Variants in LBP observed in about 807,000 individuals in gnomAD.
LBP encodes lipopolysaccharide-binding protein.
Under a neutral mutation model 56.6 loss-of-function variants are expected in LBP, and 53 were observed. The ratio of observed to expected loss-of-function variants is 0.94; its 90% CI spans 0.75 to 1.18. LBP has a LOEUF of 1.18. LBP is among the 50% of genes most tolerant of loss of function. The pLI is 0.00. For synonymous variants in LBP, 227 were observed against 247.5 expected (o/e 0.92, Z 0.78); for missense variants, 601 against 598.3 (o/e 1.00, Z -0.05).
intron 12 of LBP, among the ~76,000 whole-genome samples, chr20:38,371,695 A>C (rs1476426256): frequency 1.3e-5 from 2 of 152,232 alleles, no homozygotes; most frequent in East Asian, 3.8e-4. Flanking sequence ...TAATTAGTGC[A>C]TCAAGAATCT....
At chr20:38,372,599 C>T (rs2076904345) in intron 12 of LBP, among the ~76,000 whole-genome samples, 1 of 151,996 alleles carries the variant, frequency 6.6e-6, no homozygotes, top group African/African-American at 2.4e-5. Context: ...CTCAGTTTCC[C>T]GATATATGGA....
At chr20:38,349,756 C>A in intron 2 of LBP, 94 bp downstream of exon 2, 1 of 907,474 alleles carries the variant, frequency 1.1e-6, no homozygotes, top group Non-Finnish European at 1.7e-6. Context: ...CAGGATTGGG[C>A]TGTGGGGGGA....
chr20:38,370,918 C>A, intron 11 of LBP, 113 bp downstream of exon 11: 1 of 874,434 alleles, frequency 1.1e-6, no homozygotes, highest in South Asian at 1.4e-5. Flanking sequence ...AGGACACTTA[C>A]ATTTCACCCC....
chr20:38,365,696 CAAAAAAAAAAA>C (rs1170058556), intron 8 of LBP, among the ~76,000 whole-genome samples: 108 of 103,786 alleles, frequency 1.0e-3, no homozygotes, highest in Non-Finnish European at 1.3e-3. Context: ...GACTGCATCT[CAAAAAAAAAAA>C]AAAAAAAAAA....
Position 38,349,623 on chromosome 20 carries a change from G to T in LBP, c.200G>T (p.Arg67Met). The T allele has an allele frequency of 6.2e-7, 1 of 1,611,504 alleles. No homozygotes were observed. The change falls in exon 2 of 15, where the codon AGG becomes ATG. Residue 67 changes from arginine to methionine, a missense_variant. Coordinates refer to ENST00000217407, the MANE Select transcript of LBP (RefSeq NM_004139.5). Reference sequence around the variant, plus strand: ...CTGCCTGACTTCACCGGGGACTTGAGGATCCCCCACGTCGGCCGTGGGCGC... The same window carrying T: ...CTGCCTGACTTCACCGGGGACTTGATGATCCCCCACGTCGGCCGTGGGCGC... ...ITLPDFTGDLRIPHVGRGRYE... is the reference protein window; with the variant it reads ...ITLPDFTGDLMIPHVGRGRYE...
At chr20:38,363,930 G>A (rs1194978713) in intron 6 of LBP, 45 bp from the exon 7 acceptor site, 1 of 1,403,266 alleles carries the variant, frequency 7.1e-7, no homozygotes, top group African/African-American at 1.4e-5. Context: ...TCCAGCAGCT[G>A]AAAGTGTCAT....
intron 5 of LBP, among the ~76,000 whole-genome samples, chr20:38,355,682 T>C (rs1393073161): frequency 6.6e-6 from 1 of 152,122 alleles, no homozygotes; most frequent in Non-Finnish European, 1.5e-5. Flanking sequence ...AGCCCCTCCC[T>C]CTGCTCCACC....
At chr20:38,360,487 G>A (rs1296212111) in intron 5 of LBP, among the ~76,000 whole-genome samples, 1 of 152,130 alleles carries the variant, frequency 6.6e-6, no homozygotes, top group African/African-American at 2.4e-5. Flanking sequence ...GGGACAGACT[G>A]AAAAGTCCAA....
In LBP at chr20:38,362,506, G is replaced by A. The variant is rs911163184; in HGVS notation, c.653-1469G>A. On this transcript the variant is annotated intron_variant, in intron 6 of 14. Transcript: ENST00000217407. ...TGGATGCCTGTAATCCCAGCTACTC[G>A]GGAGGCTGAGGCAGGAGAATCACTT... 6.6e-5 allele frequency among the ~76,000 whole-genome samples: 10 copies of A among 151,484 alleles called. No homozygotes were observed. The East Asian group carries it at 1.2e-3, about 18-fold the overall frequency.
In LBP at chr20:38,372,982, C is replaced by A. The variant is rs919189671; in HGVS notation, c.1261-90C>A. ...AGTAGCATGATGTAATACTAGTTTGCTTTTCCCAAGCGTTTTGCTATGTTG... is the reference window on the plus strand; with the variant it reads ...AGTAGCATGATGTAATACTAGTTTGATTTTCCCAAGCGTTTTGCTATGTTG... On this transcript the variant is annotated intron_variant, in intron 12 of 14. Coordinates refer to ENST00000217407, the MANE Select transcript of LBP (RefSeq NM_004139.5). The A allele has an allele frequency of 8.1e-5, 90 of 1,111,906 alleles. No individual in the cohort carries two copies. In the African/African-American group the frequency reaches 1.1e-3, roughly 14 times the overall value. 68.9% of individuals were successfully genotyped at this position (1,111,906 alleles called of 1,614,324 possible). A position where few individuals can be genotyped will look rare whatever the true frequency, so the allele number is the denominator to read the frequency against.
At chr20:38,357,795 A>G (rs981271978) in intron 5 of LBP, among the ~76,000 whole-genome samples, 30 of 152,194 alleles carry the variant, frequency 2.0e-4, no homozygotes, top group African/African-American at 7.2e-4. Flanking sequence ...AGGGGCGAGG[A>G]CTTCCCAGAA....
intron 2 of LBP, among the ~76,000 whole-genome samples, chr20:38,350,360 TG>T (rs985279632): frequency 1.2e-4 from 18 of 152,294 alleles, no homozygotes; most frequent in African/African-American, 3.4e-4. Context: ...CTGACTTTTT[TG>T]GGGTCTTATC....
At chr20:38,368,809 G>T (rs1431697360) in intron 9 of LBP, among the ~76,000 whole-genome samples, 186 bp from the exon 10 acceptor site, 1 of 152,174 alleles carries the variant, frequency 6.6e-6, no homozygotes, top group Non-Finnish European at 1.5e-5. Context: ...GAAATAGATG[G>T]TGCAGACTCT....
intron 14 of LBP, 141 bp from the exon 15 acceptor site, chr20:38,376,484 G>A: frequency 1.3e-6 from 1 of 752,108 alleles, no homozygotes; most frequent in Admixed American, 1.9e-5. Context: ...TGGGGACTGA[G>A]GCACACTCGC....
Position 38,366,673 on chromosome 20 carries a change from C to T in LBP, c.922-96C>T, listed in dbSNP as rs1224082838. On this transcript the variant is annotated intron_variant, in intron 8 of 14. Coordinates refer to ENST00000217407, the MANE Select transcript of LBP (RefSeq NM_004139.5). ...CAGGGTAACCCAGGCTGTGGAGAAG[C>T]GACAGTCTTGCACATCCCCCTGTCT... The T allele has an allele frequency of 2.1e-5, 24 of 1,147,830 alleles. No individual in the cohort carries two copies. The Admixed American group carries it at 3.2e-4, about 15-fold the overall frequency. 71.1% of individuals were successfully genotyped at this position (1,147,830 alleles called of 1,614,324 possible). A position where few individuals can be genotyped will look rare whatever the true frequency, so the allele number is the denominator to read the frequency against.
Position 38,360,902 on chromosome 20 carries a change from C to T in LBP, c.652+135C>T, listed in dbSNP as rs1040618895. The T allele has an allele frequency of 1.0e-5, 6 of 590,470 alleles. No homozygotes were observed. In the African/African-American group the frequency reaches 1.1e-4, roughly 11 times the overall value. The allele number at this position is 590,470 out of a possible 1,614,324, so 36.6% of individuals were successfully genotyped here. On this transcript the variant is annotated intron_variant, in intron 6 of 14. Transcript: ENST00000217407. ...TAAGGGCCAGGCGCAGCGGCTCACACCTGTAATCTCAGCAGTCTGGGAGGC... is the reference window on the plus strand; with the variant it reads ...TAAGGGCCAGGCGCAGCGGCTCACATCTGTAATCTCAGCAGTCTGGGAGGC...
chr20:38,358,376 A>G (rs78713715), intron 5 of LBP, among the ~76,000 whole-genome samples: 2,780 of 152,246 alleles, frequency 0.018, 97 homozygotes, highest in African/African-American at 0.062. Context: ...GTGTGTCTGC[A>G]ACTCAGGCAT....
chr20:38,348,712 T>C (rs920932629), intron 1 of LBP, among the ~76,000 whole-genome samples: 1 of 151,594 alleles, frequency 6.6e-6, no homozygotes. Context: ...AGCCCCCTTC[T>C]TGCTTTGCAG....
In LBP at chr20:38,349,640, C is replaced by A. The variant is rs374882159; in HGVS notation, c.217C>A (p.Arg73Ser). ...TGDLRIPHVG[R>S]GRYEFHSLNI... ...GGACTTGAGGATCCCCCACGTCGGC[C>A]GTGGGCGCTATGAGTTCCACAGGTG... The change falls in exon 2 of 15, where the codon CGT becomes AGT. Residue 73 changes from arginine to serine, a missense_variant. By Grantham distance (110) the Arg-to-Ser change is moderately radical. Coordinates refer to ENST00000217407, the MANE Select transcript of LBP (RefSeq NM_004139.5). 1 of 1,608,090 alleles carries A rather than the reference C, an allele frequency of 6.2e-7. No homozygotes were observed.
Sources: gnomAD v4.1 joint callset for allele counts (sites outside exome capture counted in the v4.1 genomes callset) on GRCh38, gnomAD v4.1.1 for gene constraint, MANE v1.5 for transcripts, NCBI Gene and HGNC (gene_info 2026-07-23, HGNC 2026-07-21) for gene names.